Variants in VWCE observed in about 807,000 individuals in gnomAD.
The protein encoded by VWCE is von Willebrand factor C and EGF domain-containing protein.
In VWCE, 68 loss-of-function variants were observed where a neutral mutation model predicts 102.9. That is an observed-to-expected ratio of 0.66 (90% CI 0.54 to 0.81). VWCE has a LOEUF of 0.81. VWCE is among the 30% of genes least tolerant of loss of function. The probability of loss-of-function intolerance (pLI) is 0.00; values close to 1 mark genes in which losing one functional copy is unlikely to be tolerated. For missense variants in VWCE, 1,137 were observed against 1,263.6 expected (o/e 0.90, Z 1.52); for synonymous variants, 497 against 515.4 (o/e 0.96, Z 0.48).
At chr11:61,281,958 C>T (rs551529334) in intron 6 of VWCE, 44 bp from the exon 7 acceptor site, 11 of 1,587,678 alleles carry the variant, frequency 6.9e-6, no homozygotes, top group African/African-American at 1.3e-5. Flanking sequence ...GTTTGGGCTA[C>T]GGAGCCCTTC....
intron 4 of VWCE, among the ~76,000 whole-genome samples, chr11:61,288,110 T>A (rs1590656569): frequency 1.5e-5 from 2 of 131,656 alleles, no homozygotes; most frequent in East Asian, 4.3e-4. Flanking sequence ...TGAGCCGAGA[T>A]CGCACCACTG....
intron 10 of VWCE, among the ~76,000 whole-genome samples, chr11:61,277,553 T>C (rs1854966663): frequency 6.6e-6 from 1 of 151,990 alleles, no homozygotes; most frequent in Non-Finnish European, 1.5e-5. Flanking sequence ...TGCAATGAGC[T>C]ATGACTGCAC....
intron 16 of VWCE, 25 bp downstream of exon 16, chr11:61,267,437 G>A (rs1157753730): frequency 1.2e-6 from 2 of 1,611,644 alleles, no homozygotes; most frequent in East Asian, 4.5e-5. Context: ...TCCAGGGGCG[G>A]GAGTCAGATC....
Position 61,281,204 on chromosome 11 carries a change from G to T in VWCE, c.819C>A (p.Ala273=). Residue 273 remains alanine (A), a synonymous_variant, in exon 8 of 20, where the codon GCC becomes GCA. Transcript: ENST00000335613. ...ACGGGTGTTGCCGGGGTTGCAGGAT[G>T]GCAGATGGGGCCAGCACGGCTTTCG... is the stretch of plus-strand genomic sequence containing the variant. The part of the protein sequence containing the change: ...AFPKAVLAPS[A]ILQPRQHPSK... 6.2e-7 allele frequency: 1 copy of T among 1,613,098 alleles called. No homozygotes were observed. The highest frequency in any genetic ancestry group is 8.5e-7 in the Non-Finnish European group (1 of 1,180,010).
rs541334520 is a variant in VWCE, at chr11:61,265,132, G to A, written c.2046C>T (p.Pro682=). ...YPFHPDGECC[P]VCRDCNYEGR... ...GCTGGTCCCACTCACCTCGGCACAC[G>A]GGGCAGCACTCCCCGTCAGGGTGGA... The change falls in exon 17 of 20, where the codon CCC becomes CCT. Residue 682 remains proline, a synonymous_variant. Coordinates refer to ENST00000335613, the MANE Select transcript of VWCE (RefSeq NM_152718.2). 11 of 1,603,748 alleles carry A rather than the reference G, an allele frequency of 6.9e-6. No individual in the cohort carries two copies. Among genetic ancestry groups the A allele is most frequent in the South Asian group, 3.4e-5 (3 of 89,542 alleles).
chr11:61,265,132 G>T lies in VWCE; in HGVS notation c.2046C>A (p.Pro682=). ...YPFHPDGECC[P]VCRDCNYEGR... ...GCTGGTCCCACTCACCTCGGCACAC[G>T]GGGCAGCACTCCCCGTCAGGGTGGA... is the stretch of plus-strand genomic sequence containing the variant. Residue 682 remains proline (P), a synonymous_variant, in exon 17 of 20, where the codon CCC becomes CCA. Coordinates refer to ENST00000335613, the MANE Select transcript of VWCE (RefSeq NM_152718.2). 6.2e-7 allele frequency: 1 copy of T among 1,603,748 alleles called. No homozygotes were observed.
chr11:61,274,382 T>A, intron 12 of VWCE, 117 bp downstream of exon 12: 3 of 954,616 alleles, frequency 3.1e-6, no homozygotes, highest in Non-Finnish European at 4.8e-6. Flanking sequence ...CTTCCTCAGT[T>A]TCCCTGTTGC....
intron 5 of VWCE, 178 bp downstream of exon 5, chr11:61,286,136 G>A (rs2134835496): frequency 1.4e-6 from 1 of 689,708 alleles, no homozygotes; most frequent in East Asian, 2.5e-5. Context: ...CCTTGGGCAA[G>A]CCTCAGTCTC....
chr11:61,290,462 A>G (rs962578364), intron 4 of VWCE, among the ~76,000 whole-genome samples: 1 of 150,430 alleles, frequency 6.6e-6, no homozygotes, highest in African/African-American at 2.5e-5. Flanking sequence ...CAGTGAGCTG[A>G]GACCATGCTA....
intron 19 of VWCE, among the ~76,000 whole-genome samples, chr11:61,261,900 G>T (rs926482360): frequency 1.3e-5 from 2 of 152,162 alleles, no homozygotes; most frequent in East Asian, 3.9e-4. Context: ...ATAAGAGGTA[G>T]GTGGTAAACA....
intron 19 of VWCE, 41 bp from the exon 20 acceptor site, chr11:61,259,353 T>G: frequency 6.5e-7 from 1 of 1,531,458 alleles, no homozygotes; most frequent in South Asian, 1.3e-5. Flanking sequence ...AATGGCTCTC[T>G]CCAGTGGCCA....
chr11:61,273,364 G>C, intron 12 of VWCE, 48 bp from the exon 13 acceptor site: 1 of 1,538,462 alleles, frequency 6.5e-7, no homozygotes, highest in Non-Finnish European at 8.8e-7. Flanking sequence ...ACCCTGCCTG[G>C]GGACCATGGA....
At position 61,281,903 on chromosome 11, in the gene VWCE, A is replaced by T. The variant is rs1376495447; in HGVS notation, c.670T>A (p.Cys224Ser). 2.5e-6 allele frequency: 4 copies of T among 1,613,112 alleles called. No homozygotes were observed. Among genetic ancestry groups the T allele is most frequent in the Non-Finnish European group, 2.5e-6 (3 of 1,179,572 alleles). Residue 224 changes from cysteine to serine, a missense_variant, in exon 7 of 20, where the codon TGT (cysteine) becomes AGT (serine). Physicochemically the swap from Cys to Ser is moderately radical, Grantham distance 112. This residue lies in a region of VWCE where 575 missense variants were observed against 625.9 expected (regional missense o/e 0.92). Coordinates refer to ENST00000335613, the MANE Select transcript of VWCE (RefSeq NM_152718.2). ...ACTCGCCTCTCCAATGGCCTCCGAC[A>T]CTCGTTTACATCTGCGGGAGAGCCT... ...NRHSCVDVNE[C>S]RRPLERRVCH...
chr11:61,280,872 G>C lies in VWCE; in HGVS notation c.1151C>G (p.Ser384Cys), dbSNP rs768021437. 2.6e-6 allele frequency: 4 copies of C among 1,536,744 alleles called. No individual in the cohort carries two copies. The highest frequency in any genetic ancestry group is 3.5e-6 in the Non-Finnish European group (4 of 1,143,482). ...CATGGCTCCCAGGTGCCAGCAGGGAGAGGGCCCTGCTGCCAGTCGGGGGGA... is the reference window on the plus strand; with the variant it reads ...CATGGCTCCCAGGTGCCAGCAGGGACAGGGCCCTGCTGCCAGTCGGGGGGA... The part of the protein sequence containing the change: ...PESPRLAAGP[S>C]PCWHLGAMHE... The change falls in exon 8 of 20, where the codon TCT becomes TGT. Residue 384 changes from serine to cysteine, a missense_variant. Ser to Cys is a moderately radical substitution (Grantham distance 112). This residue lies in a region of VWCE where 575 missense variants were observed against 625.9 expected (regional missense o/e 0.92). Coordinates refer to ENST00000335613, the MANE Select transcript of VWCE (RefSeq NM_152718.2).
chr11:61,291,377 A>G, intron 2 of VWCE, 24 bp from the exon 3 acceptor site: 2 of 1,606,424 alleles, frequency 1.2e-6, no homozygotes, highest in Non-Finnish European at 1.7e-6. Context: ...TGCAGGTGAG[A>G]CACGAGGAAC....
chr11:61,276,582 G>A lies in VWCE; in HGVS notation c.1495+11C>T, dbSNP rs542572958. ...AAAAAAAAAGCAAAATGCTCCAAGA[G>A]TGTCACTTACCTGGAACACAAGTAC... On this transcript the variant is annotated intron_variant, in intron 11 of 19. Coordinates refer to ENST00000335613, the MANE Select transcript of VWCE (RefSeq NM_152718.2). The A allele has an allele frequency of 7.3e-6, 11 of 1,512,442 alleles. No homozygotes were observed. The South Asian group carries it at 1.1e-4, about 16-fold the overall frequency. The allele number at this position is 1,512,442 out of a possible 1,614,324, so 93.7% of individuals were successfully genotyped here.
chr11:61,269,969 G>C lies in VWCE; in HGVS notation c.1786-951C>G, dbSNP rs528903869. Reference sequence around the variant, plus strand: ...GTCTCACTCTTTTGCCCAGACTGGAGTGCAGTGGCTCTATCTTGACTCACT... The same window carrying C: ...GTCTCACTCTTTTGCCCAGACTGGACTGCAGTGGCTCTATCTTGACTCACT... On this transcript the variant is annotated intron_variant, in intron 14 of 19. Coordinates refer to ENST00000335613, the MANE Select transcript of VWCE (RefSeq NM_152718.2). 4.4e-4 allele frequency among the ~76,000 whole-genome samples: 66 copies of C among 149,296 alleles called. No individual in the cohort carries two copies. The South Asian group carries it at 0.013, about 29-fold the overall frequency.
At chr11:61,283,174 C>T (rs1050275698) in intron 5 of VWCE, among the ~76,000 whole-genome samples, 1 of 152,162 alleles carries the variant, frequency 6.6e-6, no homozygotes, top group Admixed American at 6.6e-5. Flanking sequence ...CTATCTCTAC[C>T]TAGGTTCCTT....
At chr11:61,287,435 G>A (rs1415234894) in intron 4 of VWCE, among the ~76,000 whole-genome samples, 1 of 152,224 alleles carries the variant, frequency 6.6e-6, no homozygotes, top group Non-Finnish European at 1.5e-5. Flanking sequence ...AGAGGGCAGT[G>A]GACAGGGAGG....
Sources: allele counts gnomAD v4.1 joint callset (sites outside exome capture counted in the v4.1 genomes callset), GRCh38; gene constraint gnomAD v4.1.1; regional missense constraint gnomAD v4.1.1; transcripts MANE v1.5; gene names NCBI Gene and HGNC (gene_info 2026-07-23, HGNC 2026-07-21).